PLEKHM3: variants seen among roughly 807,000 people sequenced by gnomAD.
The protein encoded by PLEKHM3 is pleckstrin homology domain-containing family M member 3.
In PLEKHM3, 45 loss-of-function variants were observed where a neutral mutation model predicts 81.8. The observed-to-expected ratio is 0.55, with a 90% CI of 0.43 to 0.71. The LOEUF is 0.71. PLEKHM3 is among the 30% of genes least tolerant of loss of function. PLEKHM3 has a pLI of 0.00. For synonymous variants in PLEKHM3, 352 were observed against 356.4 expected (o/e 0.99, Z 0.14); for missense variants, 788 against 924.3 (o/e 0.85, Z 1.91).
chr2:207,993,574 G>T (rs1260857464), intron 2 of PLEKHM3, among the ~76,000 whole-genome samples: 1 of 150,878 alleles, frequency 6.6e-6, no homozygotes. Flanking sequence ...CTGAGATAAA[G>T]AAACTATACT....
chr2:207,824,703 A>G lies in PLEKHM3; in HGVS notation c.*3616T>C, dbSNP rs1441325652. Reference sequence around the variant, plus strand: ...TGTCCACGTTCAGTGTGTACACACAACACACAGAGACAAAAACAGAGGCCA... The same window carrying G: ...TGTCCACGTTCAGTGTGTACACACAGCACACAGAGACAAAAACAGAGGCCA... On this transcript the variant is annotated 3_prime_UTR_variant, in exon 8 of 8. Transcript: ENST00000427836. The G allele has an allele frequency of 6.6e-6, 1 of 152,218 alleles. No homozygotes were observed. Among genetic ancestry groups the G allele is most frequent in the Non-Finnish European group, 1.5e-5 (1 of 68,088 alleles). The allele number at this position is 152,218 out of a possible 1,614,324, so 9.4% of individuals were successfully genotyped here. A position where few individuals can be genotyped will look rare whatever the true frequency, so the allele number is the denominator to read the frequency against.
intron 5 of PLEKHM3, among the ~76,000 whole-genome samples, chr2:207,927,265 AC>A (rs1689425017): frequency 6.6e-6 from 1 of 152,106 alleles, no homozygotes; most frequent in Non-Finnish European, 1.5e-5. Context: ...TTTTGGATAA[AC>A]TCATTACATA....
intron 2 of PLEKHM3, among the ~76,000 whole-genome samples, chr2:207,987,770 G>A (rs1362943817): frequency 6.6e-6 from 1 of 151,936 alleles, no homozygotes; most frequent in African/African-American, 2.4e-5. Flanking sequence ...ATTTTTCTCA[G>A]TCCACCTCAC....
intron 5 of PLEKHM3, among the ~76,000 whole-genome samples, chr2:207,930,702 C>T (rs1689561514): frequency 6.6e-6 from 1 of 152,072 alleles, no homozygotes; most frequent in South Asian, 2.1e-4. Context: ...CCTTCAGTAA[C>T]GGTGAATGTT....
At position 207,827,321 on chromosome 2, in the gene PLEKHM3, C is replaced by T. The variant is rs985083420; in HGVS notation, c.*998G>A. The T allele has an allele frequency of 6.6e-6, 1 of 152,018 alleles. No homozygotes were observed. The highest frequency in any genetic ancestry group is 1.5e-5 in the Non-Finnish European group (1 of 68,024). The allele number at this position is 152,018 out of a possible 1,614,324, so 9.4% of individuals were successfully genotyped here. On this transcript the variant is annotated 3_prime_UTR_variant, in exon 8 of 8. Coordinates refer to ENST00000427836, the MANE Select transcript of PLEKHM3 (RefSeq NM_001080475.3). ...AAAATGAATAGGTAGGAACTGCCTC[C>T]ACAGGATTCTGAGAAAAGAAACTAA...
At chr2:207,894,564 T>A in intron 6 of PLEKHM3, among the ~76,000 whole-genome samples, 1 of 13,340 alleles carries the variant, frequency 7.5e-5, no homozygotes, top group East Asian at 1.4e-3. Flanking sequence ...ATGGTGGTGG[T>A]TGGGGTGGGG....
chr2:207,979,312 A>G (rs1241104043), intron 2 of PLEKHM3, among the ~76,000 whole-genome samples: 1 of 152,188 alleles, frequency 6.6e-6, no homozygotes, highest in Non-Finnish European at 1.5e-5. Context: ...AGGAGGGTGG[A>G]TCACCTGAGG....
chr2:207,871,993 G>A (rs1452499560), intron 6 of PLEKHM3, among the ~76,000 whole-genome samples: 1 of 152,168 alleles, frequency 6.6e-6, no homozygotes, highest in African/African-American at 2.4e-5. Context: ...AGTAAATGAG[G>A]AAAAGTTCTA....
chr2:207,863,907 CA>C (rs200964000), intron 6 of PLEKHM3, among the ~76,000 whole-genome samples: 1 of 129,268 alleles, frequency 7.7e-6, no homozygotes. Context: ...GTCAGAAAAG[CA>C]AAAAAAATAT....
chr2:207,946,324 A>T lies in PLEKHM3; in HGVS notation c.1692+43T>A, dbSNP rs562913128. On this transcript the variant is annotated intron_variant, in intron 4 of 7. Coordinates refer to ENST00000427836, the MANE Select transcript of PLEKHM3 (RefSeq NM_001080475.3). ...ATAATCCACCTGAGAACATATGAAC[A>T]CCTGAATTATTATTATTAAGTGAAC... 3 of 1,584,044 alleles carry T rather than the reference A, an allele frequency of 1.9e-6. No homozygotes were observed. In the South Asian group the frequency reaches 3.4e-5, roughly 18 times the overall value.
At chr2:207,836,699 T>A (rs1286492530) in intron 7 of PLEKHM3, among the ~76,000 whole-genome samples, 2 of 152,006 alleles carry the variant, frequency 1.3e-5, no homozygotes, top group East Asian at 1.9e-4. Flanking sequence ...CACAGGGAGG[T>A]CACAGGAAAC....
At chr2:207,908,704 T>A in intron 5 of PLEKHM3, 127 bp from the exon 6 acceptor site, 1 of 745,274 alleles carries the variant, frequency 1.3e-6, no homozygotes, top group Non-Finnish European at 2.2e-6. Flanking sequence ...ATACTTCTCC[T>A]AAGCCCTCTG....
At chr2:207,936,846 A>AGT (rs57642698) in intron 4 of PLEKHM3, among the ~76,000 whole-genome samples, 16,926 of 146,646 alleles carry the variant, frequency 0.12, 956 homozygotes, top group African/African-American at 0.14. Flanking sequence ...TAGATAAATT[A>AGT]GTGTGTGTGT....
chr2:207,959,495 T>TAC (rs1690657966), intron 3 of PLEKHM3, among the ~76,000 whole-genome samples: 2 of 152,324 alleles, frequency 1.3e-5, no homozygotes, highest in South Asian at 4.1e-4. Flanking sequence ...AGTCGCTTCT[T>TAC]ACATCAGTCT....
intron 3 of PLEKHM3, among the ~76,000 whole-genome samples, chr2:207,967,130 G>A (rs1419625594): frequency 1.3e-5 from 2 of 152,058 alleles, no homozygotes; most frequent in Admixed American, 1.3e-4. Context: ...ACTACTACAG[G>A]CATCAGCCAC....
At chr2:208,020,820 CTG>C (rs1054136464) in intron 1 of PLEKHM3, among the ~76,000 whole-genome samples, 3 of 152,192 alleles carry the variant, frequency 2.0e-5, no homozygotes, top group African/African-American at 7.2e-5. Context: ...CAGACACTCT[CTG>C]TACTTTTCTA....
At chr2:207,994,474 T>A (rs1692004407) in intron 2 of PLEKHM3, among the ~76,000 whole-genome samples, 1 of 151,880 alleles carries the variant, frequency 6.6e-6, no homozygotes, top group African/African-American at 2.4e-5. Context: ...AGAGCAGTGC[T>A]AAGACTAGAA....
chr2:208,021,230 G>T (rs527469828), intron 1 of PLEKHM3, among the ~76,000 whole-genome samples: 1 of 152,206 alleles, frequency 6.6e-6, no homozygotes, highest in Non-Finnish European at 1.5e-5. Flanking sequence ...TCTGTAAATG[G>T]TTACATATTC....
Position 207,946,348 on chromosome 2 carries a change from A to G in PLEKHM3, c.1692+19T>C, listed in dbSNP as rs373894587. The G allele has an allele frequency of 5.6e-6, 9 of 1,605,130 alleles. No homozygotes were observed. In the African/African-American group the frequency reaches 9.4e-5, roughly 17 times the overall value. On this transcript the variant is annotated intron_variant, in intron 4 of 7. Transcript: ENST00000427836. ...CACCTGAATTATTATTATTAAGTGA[A>G]CTGAGTTTTTGTACCTACCTTATAC...
Sources: allele counts gnomAD v4.1 joint callset (sites outside exome capture counted in the v4.1 genomes callset), GRCh38; gene constraint gnomAD v4.1.1; transcripts MANE v1.5; gene names NCBI Gene and HGNC (gene_info 2026-07-23, HGNC 2026-07-21).